The following BACH2 variants were observed in gnomAD, a reference collection of about 807,000 sequenced individuals.
The protein encoded by BACH2 is BACH transcriptional regulator 2.
Under a neutral mutation model 61.8 loss-of-function variants are expected in BACH2, and 5 were observed. The observed-to-expected ratio is 0.08, with a 90% CI of 0.04 to 0.17. The LOEUF (loss-of-function observed/expected upper bound fraction) is 0.17, where lower values mean the gene tolerates loss of function less well. BACH2 is among the 10% of genes least tolerant of loss of function. The pLI is 1.00. For missense variants in BACH2, 824 were observed against 1,091.1 expected (o/e 0.76, Z 3.45); for synonymous variants, 446 against 440.1 (o/e 1.01, Z -0.17).
intron 4 of BACH2, among the ~76,000 whole-genome samples, chr6:90,174,729 C>T (rs1767931632): frequency 6.6e-6 from 1 of 151,878 alleles, no homozygotes; most frequent in Admixed American, 6.6e-5. Flanking sequence ...TATTCTATAG[C>T]AATGAAAATG....
At chr6:90,233,125 T>C (rs953647010) in intron 3 of BACH2, among the ~76,000 whole-genome samples, 1 of 152,156 alleles carries the variant, frequency 6.6e-6, no homozygotes, top group Non-Finnish European at 1.5e-5. Flanking sequence ...TCAATCACAT[T>C]TGGAATTGAT....
intron 3 of BACH2, among the ~76,000 whole-genome samples, chr6:90,231,608 C>T (rs565196553): frequency 6.6e-6 from 1 of 152,204 alleles, no homozygotes; most frequent in South Asian, 2.1e-4. Context: ...CCCTGGGCTG[C>T]AAATTCTCAT....
intron 5 of BACH2, among the ~76,000 whole-genome samples, chr6:90,032,053 A>T (rs568931313): frequency 2.0e-5 from 3 of 152,184 alleles, no homozygotes; most frequent in Admixed American, 6.5e-5. Context: ...ATAATGCCGC[A>T]TATCTACAAC....
chr6:89,953,193 G>C (rs1774232342), intron 6 of BACH2: 3 of 152,322 alleles, frequency 2.0e-5, no homozygotes, highest in Admixed American at 2.0e-4. Context: ...TGTAATTGAT[G>C]TTCAAGATTC....
chr6:90,017,066 T>C (rs920967434), intron 5 of BACH2, among the ~76,000 whole-genome samples: 4 of 152,194 alleles, frequency 2.6e-5, no homozygotes, highest in Non-Finnish European at 5.9e-5. Flanking sequence ...TGGAAAAATT[T>C]TGGCCATCAT....
chr6:90,092,120 C>T (rs1782183286), intron 4 of BACH2, among the ~76,000 whole-genome samples: 1 of 151,644 alleles, frequency 6.6e-6, no homozygotes, highest in Non-Finnish European at 1.5e-5. Flanking sequence ...ATTAATAACG[C>T]AAACGATTAC....
intron 2 of BACH2, among the ~76,000 whole-genome samples, chr6:90,258,928 A>G (rs1178072056): frequency 6.6e-6 from 1 of 152,168 alleles, no homozygotes; most frequent in Non-Finnish European, 1.5e-5. Flanking sequence ...GCTTTACTGA[A>G]TTCATTCGTT....
At chr6:90,121,360 T>TTTC (rs1423550566) in intron 4 of BACH2, among the ~76,000 whole-genome samples, 1 of 152,204 alleles carries the variant, frequency 6.6e-6, no homozygotes, top group African/African-American at 2.4e-5. Context: ...GTAACCAGCC[T>TTTC]GGAACCCTGG....
At chr6:90,004,321 TAGTG>T (rs1562361367) in intron 6 of BACH2, among the ~76,000 whole-genome samples, 2 of 152,236 alleles carry the variant, frequency 1.3e-5, no homozygotes, top group Admixed American at 6.5e-5. Context: ...AAGCAAAAGA[TAGTG>T]AGCACAAGCG....
chr6:90,112,610 A>G (rs1213138291), intron 4 of BACH2, among the ~76,000 whole-genome samples: 2 of 152,220 alleles, frequency 1.3e-5, no homozygotes, highest in Admixed American at 6.5e-5. Flanking sequence ...GGTGCACAAA[A>G]TATAGAAAGG....
intron 5 of BACH2, among the ~76,000 whole-genome samples, chr6:90,041,272 A>G (rs1045608562): frequency 1.3e-5 from 2 of 151,812 alleles, no homozygotes; most frequent in Non-Finnish European, 2.9e-5. Context: ...CATCTACTAA[A>G]GCGTGATGCT....
At chr6:90,059,980 TG>T (rs1266753956) in intron 5 of BACH2, among the ~76,000 whole-genome samples, 3 of 48,204 alleles carry the variant, frequency 6.2e-5, no homozygotes, top group African/African-American at 1.7e-4. Context: ...TGTTGTGGGG[TG>T]GGGGGAGGGG....
chr6:90,177,190 G>A (rs1010792109), intron 4 of BACH2, among the ~76,000 whole-genome samples: 4 of 152,070 alleles, frequency 2.6e-5, no homozygotes, highest in Admixed American at 6.6e-5. Flanking sequence ...CTCGCTTTAT[G>A]GACCACCTTG....
chr6:90,208,961 C>T (rs771142175), intron 3 of BACH2, among the ~76,000 whole-genome samples: 18 of 147,552 alleles, frequency 1.2e-4, no homozygotes, highest in Non-Finnish European at 2.1e-4. Flanking sequence ...GAAGGGAAAA[C>T]TAAACACCGC....
chr6:89,933,271 G>A (rs916748271), intron 8 of BACH2, among the ~76,000 whole-genome samples: 6 of 152,128 alleles, frequency 3.9e-5, no homozygotes, highest in African/African-American at 1.4e-4. Context: ...TCCCCCAAAT[G>A]TATCAGGTTG....
chr6:90,278,393 G>C (rs554489522), intron 1 of BACH2, among the ~76,000 whole-genome samples: 2 of 152,356 alleles, frequency 1.3e-5, no homozygotes, highest in East Asian at 1.9e-4. Context: ...CCAGGCCATG[G>C]AGACCTTTCC....
intron 4 of BACH2, among the ~76,000 whole-genome samples, chr6:90,125,952 A>G (rs1783831512): frequency 6.6e-6 from 1 of 152,208 alleles, no homozygotes; most frequent in Non-Finnish European, 1.5e-5. Flanking sequence ...TTTGCTGACC[A>G]TTCTCTGCAT....
chr6:89,958,633 A>C (rs1774558873), intron 6 of BACH2, among the ~76,000 whole-genome samples: 1 of 152,236 alleles, frequency 6.6e-6, no homozygotes, highest in African/African-American at 2.4e-5. Flanking sequence ...AAATGTTTAC[A>C]GTGTCACCTG....
chr6:89,933,199 A>C (rs1772784902), intron 8 of BACH2, among the ~76,000 whole-genome samples: 1 of 152,094 alleles, frequency 6.6e-6, no homozygotes, highest in Non-Finnish European at 1.5e-5. Flanking sequence ...GGTTTCCTGG[A>C]ATTTGGGGTT....
Sources: gnomAD v4.1 joint callset for allele counts (sites outside exome capture counted in the v4.1 genomes callset) on GRCh38, gnomAD v4.1.1 for gene constraint, MANE v1.5 for transcripts, NCBI Gene and HGNC (gene_info 2026-07-23, HGNC 2026-07-21) for gene names.